Variants in PKHD1 observed in about 807,000 individuals in gnomAD.
PKHD1 encodes fibrocystin.
Under a neutral mutation model 412.0 loss-of-function variants are expected in PKHD1, and 291 were observed. The ratio of observed to expected loss-of-function variants is 0.71; its 90% CI spans 0.64 to 0.78. The LOEUF (loss-of-function observed/expected upper bound fraction) is 0.78. PKHD1 is among the 30% of genes least tolerant of loss of function. The pLI, the probability that PKHD1 is intolerant of heterozygous loss-of-function variation, is 0.00. For synonymous variants in PKHD1, 1,777 were observed against 1,821.5 expected (o/e 0.98, Z 0.62); for missense variants, 4,825 against 4,950.7 (o/e 0.97, Z 0.76).
intron 60 of PKHD1, among the ~76,000 whole-genome samples, chr6:51,696,012 A>T (rs1778761977): frequency 6.6e-6 from 1 of 152,200 alleles, no homozygotes; most frequent in South Asian, 2.1e-4. Context: ...CCAAAACTAC[A>T]TCTATTTCTT....
intron 52 of PKHD1, among the ~76,000 whole-genome samples, chr6:51,812,990 G>A (rs1489905365): frequency 6.6e-6 from 1 of 152,064 alleles, no homozygotes; most frequent in African/African-American, 2.4e-5. Context: ...TGACCTGTAA[G>A]CCTGCTTCCC....
intron 60 of PKHD1, among the ~76,000 whole-genome samples, chr6:51,673,119 CAACA>C (rs1775267329): frequency 6.6e-6 from 1 of 152,088 alleles, no homozygotes; most frequent in Non-Finnish European, 1.5e-5. Context: ...GAACTCTGAC[CAACA>C]AACAGCAGTA....
chr6:51,811,598 C>A (rs772068668), intron 52 of PKHD1, among the ~76,000 whole-genome samples: 6 of 152,096 alleles, frequency 3.9e-5, no homozygotes, highest in Non-Finnish European at 7.4e-5. Flanking sequence ...CAAATATTGT[C>A]CCTCTACCAA....
In PKHD1 at chr6:51,617,225, T is replaced by C. The variant is rs903809903; in HGVS notation, c.*1856A>G. 2 of 152,230 alleles carry C rather than the reference T, an allele frequency of 1.3e-5. No individual in the cohort carries two copies. The highest frequency in any genetic ancestry group is 1.3e-4 in the Admixed American group (2 of 15,270). The allele number at this position is 152,230 out of a possible 1,614,324, so 9.4% of individuals were successfully genotyped here. A position where few individuals can be genotyped will look rare whatever the true frequency, so the allele number is the denominator to read the frequency against. On this transcript the variant is annotated 3_prime_UTR_variant, in exon 67 of 67. Transcript: ENST00000371117. ...TCTGAAATGTTTTTTTCCAAAAAGC[T>C]TACGGCTCTTTGAGGATCCAATGAG...
chr6:51,673,865 A>G (rs1390636415), intron 60 of PKHD1, among the ~76,000 whole-genome samples: 2 of 152,204 alleles, frequency 1.3e-5, no homozygotes, highest in Non-Finnish European at 2.9e-5. Flanking sequence ...GAGTGAAAAG[A>G]AGGTTCTTTG....
intron 27 of PKHD1, among the ~76,000 whole-genome samples, chr6:52,037,340 T>C (rs1161593088): frequency 6.6e-6 from 1 of 152,088 alleles, no homozygotes; most frequent in Non-Finnish European, 1.5e-5. Context: ...TCCTAAGTAT[T>C]TTAGAAGTCC....
rs770266629 is a variant in PKHD1, at chr6:52,035,640, T to C, written c.3179A>G (p.Asn1060Ser). 6.8e-6 allele frequency: 11 copies of C among 1,613,984 alleles called. No individual in the cohort carries two copies. Among genetic ancestry groups the C allele is most frequent in the Non-Finnish European group, 7.6e-6 (9 of 1,179,912 alleles). ...ILFGSYSCAI[N>S]VATSNSSRIQ... is the part of the protein sequence containing the mutation. ...TCTGCTTGAATTGCTTGTAGCGACA[T>C]TGATGGCACACGAGTAAGATCCAAA... Residue 1060 changes from asparagine (N) to serine (S), a missense_variant, in exon 28 of 67, where the codon AAT (asparagine) becomes AGT (serine). Transcript: ENST00000371117.
At chr6:51,750,144 A>G (rs1785845079) in intron 57 of PKHD1, among the ~76,000 whole-genome samples, 1 of 152,156 alleles carries the variant, frequency 6.6e-6, no homozygotes, top group East Asian at 1.9e-4. Context: ...AAGACAGGCT[A>G]AGTAAAGGAA....
intron 66 of PKHD1, among the ~76,000 whole-genome samples, chr6:51,620,789 T>C (rs1247464052): frequency 6.9e-6 from 1 of 145,312 alleles, no homozygotes; most frequent in Non-Finnish European, 1.5e-5. Context: ...TATATATACA[T>C]ATATATATAT....
In PKHD1 at chr6:51,985,406, C is replaced by T. The variant is rs150292014; in HGVS notation, c.5751+24903G>A. On this transcript the variant is annotated intron_variant, in intron 35 of 66. Coordinates refer to ENST00000371117, the MANE Select transcript of PKHD1 (RefSeq NM_138694.4). ...ACATTGTTTAAGAAATATACAACAA[C>T]GAAAAATTTAAGAGGAATGAATGTT... 4.5e-3 allele frequency among the ~76,000 whole-genome samples: 688 copies of T among 152,112 alleles called. 4 individuals are homozygous for T. Among genetic ancestry groups the T allele is most frequent in the Non-Finnish European group, 7.2e-3 (490 of 68,004 alleles).
At chr6:51,977,096 G>A (rs990390618) in intron 35 of PKHD1, among the ~76,000 whole-genome samples, 4 of 152,066 alleles carry the variant, frequency 2.6e-5, no homozygotes, top group African/African-American at 9.7e-5. Context: ...AAGCCTATTT[G>A]GAATTGGGGA....
At chr6:51,916,816 T>C (rs1334713985) in intron 37 of PKHD1, among the ~76,000 whole-genome samples, 1 of 152,098 alleles carries the variant, frequency 6.6e-6, no homozygotes, top group Non-Finnish European at 1.5e-5. Flanking sequence ...ATATGCTAAA[T>C]GAAAAAGGAC....
At position 52,058,437 on chromosome 6, in the gene PKHD1, C is replaced by A. The variant is rs1225931604; in HGVS notation, c.1398G>T (p.Gly466=). 1 of 1,614,062 alleles carries A rather than the reference C, an allele frequency of 6.2e-7. No individual in the cohort carries two copies. The highest frequency in any genetic ancestry group is 2.2e-5 in the East Asian group (1 of 44,894). The change falls in exon 16 of 67, where the codon GGG becomes GGT. Residue 466 remains glycine, a synonymous_variant. Coordinates refer to ENST00000371117, the MANE Select transcript of PKHD1 (RefSeq NM_138694.4). ...AEHHGIAPSR[G]MRIGVQIHNT... Reference sequence around the variant, plus strand: ...TGTGAATCTGGACACCAATCCTCATCCCCCTGCTTGGGGCTATCCCATGAT... The same window carrying A: ...TGTGAATCTGGACACCAATCCTCATACCCCTGCTTGGGGCTATCCCATGAT...
Position 52,042,974 on chromosome 6 carries a change from C to T in PKHD1, c.2982G>A (p.Arg994=). The T allele has an allele frequency of 6.2e-7, 1 of 1,614,018 alleles. No homozygotes were observed. The highest frequency in any genetic ancestry group is 8.5e-7 in the Non-Finnish European group (1 of 1,179,904). ...QTDLLPVGMH[R]ILMLVRPSGL... Reference sequence around the variant, plus strand: ...CAGAGGGTCTCACCAACATCAAGATCCGATGCATTCCAACAGGTAGCAAAT... The same window carrying T: ...CAGAGGGTCTCACCAACATCAAGATTCGATGCATTCCAACAGGTAGCAAAT... The change falls in exon 27 of 67, where the codon CGG becomes CGA. Residue 994 remains arginine (R), a synonymous_variant. Coordinates refer to ENST00000371117, the MANE Select transcript of PKHD1 (RefSeq NM_138694.4).
At chr6:52,018,561 C>T (rs1800903292) in intron 33 of PKHD1, among the ~76,000 whole-genome samples, 1 of 152,114 alleles carries the variant, frequency 6.6e-6, no homozygotes, top group South Asian at 2.1e-4. Context: ...CGCTGTGTTG[C>T]CCAGGCTTGT....
At chr6:51,996,825 G>A (rs888336670) in intron 35 of PKHD1, among the ~76,000 whole-genome samples, 1 of 152,230 alleles carries the variant, frequency 6.6e-6, no homozygotes. Context: ...AGGTCATTGA[G>A]GTCAAGTGTT....
At chr6:51,811,293 G>T (rs1195399174) in intron 52 of PKHD1, among the ~76,000 whole-genome samples, 2 of 151,994 alleles carry the variant, frequency 1.3e-5, no homozygotes, top group South Asian at 2.1e-4. Context: ...GAACAATGAG[G>T]CATAAATATT....
At chr6:51,620,802 A>G (rs2397057) in intron 66 of PKHD1, among the ~76,000 whole-genome samples, 122,799 of 141,332 alleles carry the variant, frequency 0.87, 53,366 homozygotes, top group East Asian at 0.97. Context: ...ATATATATGT[A>G]TATATATATA....
At position 51,903,832 on chromosome 6, in the gene PKHD1, C is replaced by CATAT. The variant is rs66966800; in HGVS notation, c.6866-109_6866-106dup. 4,196 of 434,124 alleles carry CATAT rather than the reference C, an allele frequency of 9.7e-3. 13 individuals carry two copies. Among genetic ancestry groups the CATAT allele is most frequent in the Middle Eastern group, 0.016 (22 of 1,358 alleles). 26.9% of individuals were successfully genotyped at this position (434,124 alleles called of 1,614,324 possible). On this transcript the variant is annotated intron_variant, in intron 42 of 66. Coordinates refer to ENST00000371117, the MANE Select transcript of PKHD1 (RefSeq NM_138694.4). ...ACATCAGAGTTCACATAATGCATTT[C>CATAT]ATATATATATATATATATATATATA...
Sources: allele counts gnomAD v4.1 joint callset (sites outside exome capture counted in the v4.1 genomes callset), GRCh38; gene constraint gnomAD v4.1.1; transcripts MANE v1.5; gene names NCBI Gene and HGNC (gene_info 2026-07-23, HGNC 2026-07-21).